Variants in SHISA9 observed in about 807,000 individuals in gnomAD.
SHISA9 encodes protein shisa-9.
A neutral mutation model predicts 38.0 loss-of-function variants in SHISA9; 13 were observed. That is an observed-to-expected ratio of 0.34 (90% CI 0.22 to 0.54). The LOEUF (loss-of-function observed/expected upper bound fraction) is 0.54, where lower values mean the gene tolerates loss of function less well. Among genes scored for constraint, SHISA9 ranks in the 20% least tolerant of loss-of-function variants. SHISA9 has a pLI of 0.91. For synonymous variants in SHISA9, 275 were observed against 242.0 expected (o/e 1.14, Z -1.27); for missense variants, 538 against 575.8 (o/e 0.93, Z 0.67).
chr16:13,204,206 G>GTCTATCTATCTATCTA (rs760365316), intron 3 of SHISA9, among the ~76,000 whole-genome samples: 38 of 138,148 alleles, frequency 2.8e-4, no homozygotes, highest in South Asian at 4.8e-4. Flanking sequence ...TTATCTGTCT[G>GTCTATCTATCTATCTA]TCTGTCTATC....
At chr16:13,500,846 T>C in the SHISA9 span, among the ~76,000 whole-genome samples, 22 of 152,188 alleles carry the variant, frequency 1.4e-4, no homozygotes, top group African/African-American at 5.1e-4. Context: ...CACCAAGACA[T>C]ATGAACTAGA....
the SHISA9 span, among the ~76,000 whole-genome samples, chr16:13,508,203 C>G: frequency 6.6e-6 from 1 of 152,156 alleles, no homozygotes; most frequent in Non-Finnish European, 1.5e-5. Flanking sequence ...ACTTATTATT[C>G]AACTATGATT....
intron 4 of SHISA9, among the ~76,000 whole-genome samples, chr16:13,227,303 T>C (rs1337719913): frequency 6.6e-6 from 1 of 152,204 alleles, no homozygotes; most frequent in Non-Finnish European, 1.5e-5. Flanking sequence ...GTTTGGTTAC[T>C]GAAGTAGAAC....
intron 2 of SHISA9, among the ~76,000 whole-genome samples, chr16:13,136,189 A>T (rs2050346421): frequency 6.6e-6 from 1 of 152,076 alleles, no homozygotes; most frequent in Non-Finnish European, 1.5e-5. Flanking sequence ...CTAGCTCTTC[A>T]TCTACTACCT....
chr16:13,366,249 G>T, the SHISA9 span, among the ~76,000 whole-genome samples: 1 of 152,180 alleles, frequency 6.6e-6, no homozygotes, highest in Non-Finnish European at 1.5e-5. Context: ...ATGCTTTAAT[G>T]GAACATTTAG....
intron 2 of SHISA9, among the ~76,000 whole-genome samples, chr16:13,136,396 C>CT (rs35122409): frequency 0.26 from 17,864 of 68,442 alleles, 1,492 homozygotes; most frequent in African/African-American, 0.34. Flanking sequence ...CAGTTTCCTT[C>CT]TTTTTTTTTT....
the SHISA9 span, among the ~76,000 whole-genome samples, chr16:13,430,116 C>T: frequency 6.6e-6 from 1 of 152,132 alleles, no homozygotes; most frequent in Non-Finnish European, 1.5e-5. Context: ...AGAGAAAGAA[C>T]TCAGAAAAAA....
intron 2 of SHISA9, among the ~76,000 whole-genome samples, chr16:13,167,630 G>T (rs1323495650): frequency 6.6e-6 from 1 of 152,094 alleles, no homozygotes; most frequent in Non-Finnish European, 1.5e-5. Context: ...TCCTGATAGT[G>T]TTCTCATGAG....
chr16:13,473,705 A>G, the SHISA9 span, among the ~76,000 whole-genome samples: 3 of 152,196 alleles, frequency 2.0e-5, no homozygotes, highest in South Asian at 2.1e-4. Context: ...GCTAGGTAAT[A>G]AAACTCTTAT....
intron 2 of SHISA9, among the ~76,000 whole-genome samples, chr16:13,191,391 T>G (rs2050883966): frequency 6.6e-6 from 1 of 152,198 alleles, no homozygotes; most frequent in African/African-American, 2.4e-5. Context: ...AACATCCTCT[T>G]TTCCTCATGG....
rs188497791 is a variant in SHISA9 at position 12,922,260 on chromosome 16, A to G, written c.691+5445A>G. Among the ~76,000 whole-genome samples, 17 of 152,384 alleles carry G rather than the reference A, an allele frequency of 1.1e-4. No homozygotes were observed. In the Middle Eastern group the frequency reaches 0.01, roughly 91 times the overall value. On this transcript the variant is annotated intron_variant, in intron 2 of 4. Coordinates refer to ENST00000558583, the MANE Select transcript of SHISA9 (RefSeq NM_001145204.3). ...ACATCCAATTTACAGCCTTACTAAC[A>G]ACTAACATTTATTGAGCAAGTTACT...
intron 4 of SHISA9, among the ~76,000 whole-genome samples, chr16:13,217,437 A>G (rs982115817): frequency 7.2e-5 from 11 of 152,216 alleles, no homozygotes; most frequent in African/African-American, 2.7e-4. Flanking sequence ...GTGCTACAGC[A>G]AGGCAATCAA....
At chr16:13,362,707 C>G in the SHISA9 span, among the ~76,000 whole-genome samples, 2 of 152,188 alleles carry the variant, frequency 1.3e-5, no homozygotes, top group Admixed American at 6.5e-5. Context: ...GTGGTAGTTT[C>G]CTCTCTTTCA....
At chr16:13,471,469 C>G in the SHISA9 span, among the ~76,000 whole-genome samples, 5 of 152,198 alleles carry the variant, frequency 3.3e-5, no homozygotes, top group Non-Finnish European at 7.3e-5. Flanking sequence ...TAAGCACTGA[C>G]AAATGCTAGT....
chr16:13,080,792 A>G (rs1364205979), intron 2 of SHISA9, among the ~76,000 whole-genome samples: 1 of 152,252 alleles, frequency 6.6e-6, no homozygotes, highest in Non-Finnish European at 1.5e-5. Context: ...TAGTCACCAC[A>G]GACCATAGAC....
At chr16:13,071,905 C>T (rs971362761) in intron 2 of SHISA9, among the ~76,000 whole-genome samples, 2 of 152,040 alleles carry the variant, frequency 1.3e-5, no homozygotes, top group African/African-American at 4.8e-5. Flanking sequence ...TTTAGGCTCC[C>T]AAAGTGCTGG....
chr16:13,348,984 C>G, the SHISA9 span, among the ~76,000 whole-genome samples: 6 of 152,172 alleles, frequency 3.9e-5, no homozygotes, highest in Non-Finnish European at 8.8e-5. Flanking sequence ...AAACACTGTT[C>G]CCTCATGCAC....
intron 1 of SHISA9, 143 bp downstream of exon 1, chr16:12,902,770 C>T (rs958016026): frequency 3.3e-6 from 3 of 898,612 alleles, no homozygotes; most frequent in Non-Finnish European, 4.9e-6. Flanking sequence ...ACCGGGAAGC[C>T]AACTTCGGCT....
intron 2 of SHISA9, among the ~76,000 whole-genome samples, chr16:12,947,724 T>A (rs2141769757): frequency 6.6e-6 from 1 of 152,328 alleles, no homozygotes; most frequent in Non-Finnish European, 1.5e-5. Flanking sequence ...TTAAGTCTCA[T>A]TAATCACACG....
Sources: allele counts gnomAD v4.1 joint callset (sites outside exome capture counted in the v4.1 genomes callset), GRCh38; gene constraint gnomAD v4.1.1; transcripts MANE v1.5; gene names NCBI Gene and HGNC (gene_info 2026-07-23, HGNC 2026-07-21).